Variants in CENPK observed in about 807,000 individuals in gnomAD.
CENPK encodes centromere protein K.
A neutral mutation model predicts 40.9 loss-of-function variants in CENPK; 46 were observed. That is an observed-to-expected ratio of 1.13 (90% CI 0.89 to 1.44). The LOEUF is 1.44. CENPK is among the 40% of genes most tolerant of loss of function. The pLI is 0.00. For synonymous variants in CENPK, 107 were observed against 104.4 expected (o/e 1.02, Z -0.15); for missense variants, 288 against 303.5 (o/e 0.95, Z 0.38).
At chr5:65,554,983 G>C in intron 2 of CENPK, 37 bp from the exon 3 acceptor site, 1 of 869,532 alleles carries the variant, frequency 1.2e-6, no homozygotes, top group Non-Finnish European at 1.9e-6. Flanking sequence ...AGCAGTATTG[G>C]TTGAACACTT....
intron 5 of CENPK, among the ~76,000 whole-genome samples, chr5:65,545,897 GAAATT>G (rs1356834619): frequency 6.6e-6 from 1 of 152,070 alleles, no homozygotes; most frequent in Non-Finnish European, 1.5e-5. Context: ...CTGAACTACA[GAAATT>G]GTGAGATAAT....
chr5:65,555,184 G>A (rs1291664040), intron 2 of CENPK: 1 of 235,866 alleles, frequency 4.2e-6, no homozygotes, highest in Non-Finnish European at 8.0e-6. Context: ...AGAAACATAG[G>A]AAATGCTAGG....
rs779597720 is a variant in CENPK, at chr5:65,554,754, T to C, written c.111+43A>G. 3 of 1,055,728 alleles carry C rather than the reference T, an allele frequency of 2.8e-6. No homozygotes were observed. In the Admixed American group the frequency reaches 5.6e-5, roughly 20 times the overall value. 65.4% of individuals were successfully genotyped at this position (1,055,728 alleles called of 1,614,324 possible). A position where few individuals can be genotyped will look rare whatever the true frequency, so the allele number is the denominator to read the frequency against. ...GAGTCTATTTATTATTGAAGTTGATTTAAATCTTATATTAACTATCACTTC... is the reference window on the plus strand; with the variant it reads ...GAGTCTATTTATTATTGAAGTTGATCTAAATCTTATATTAACTATCACTTC... On this transcript the variant is annotated intron_variant, in intron 3 of 10. Transcript: ENST00000396679.
At chr5:65,559,445 G>T (rs382605) in intron 2 of CENPK, among the ~76,000 whole-genome samples, 4 of 150,720 alleles carry the variant, frequency 2.7e-5, no homozygotes, top group Admixed American at 2.6e-4. Context: ...CCGGCTAAAA[G>T]GGTGAAACCC....
At chr5:65,506,771 C>T in the CENPK span, among the ~76,000 whole-genome samples, 91 of 151,358 alleles carry the variant, frequency 6.0e-4, 1 homozygote, top group East Asian at 0.014. Flanking sequence ...GGCAGCAGAG[C>T]GACACTTGGT....
At chr5:65,540,982 CAGA>C (rs1463278931) in intron 6 of CENPK, among the ~76,000 whole-genome samples, 1 of 151,856 alleles carries the variant, frequency 6.6e-6, no homozygotes, top group Non-Finnish European at 1.5e-5. Context: ...CCACCACACA[CAGA>C]AGATTTTTTA....
At chr5:65,558,306 C>T (rs1751334085) in intron 2 of CENPK, among the ~76,000 whole-genome samples, 1 of 151,718 alleles carries the variant, frequency 6.6e-6, no homozygotes, top group Admixed American at 6.6e-5. Flanking sequence ...GGAAATGTTG[C>T]TAATACAAGA....
downstream of CENPK, among the ~76,000 whole-genome samples, chr5:65,515,577 CTA>C (rs1742801840): frequency 6.6e-6 from 1 of 152,062 alleles, no homozygotes; most frequent in South Asian, 2.1e-4. Context: ...CTTCTTTGAC[CTA>C]TGTGTTTAGA....
At chr5:65,545,714 A>T (rs931977784) in intron 5 of CENPK, among the ~76,000 whole-genome samples, 9 of 152,230 alleles carry the variant, frequency 5.9e-5, no homozygotes, top group African/African-American at 1.9e-4. Flanking sequence ...TCCTACAGTC[A>T]CAAGGAAATA....
chr5:65,537,082 T>C (rs560783236), intron 6 of CENPK, among the ~76,000 whole-genome samples: 2 of 152,188 alleles, frequency 1.3e-5, no homozygotes, highest in Non-Finnish European at 2.9e-5. Context: ...AACAGCACCA[T>C]GCTCTTAGAT....
chr5:65,550,003 T>C (rs965106191), intron 5 of CENPK, among the ~76,000 whole-genome samples: 3 of 151,530 alleles, frequency 2.0e-5, no homozygotes, highest in Non-Finnish European at 2.9e-5. Flanking sequence ...CTGTCTCTAA[T>C]AAAAAAATAC....
At chr5:65,533,023 G>T (rs1580961119) in intron 6 of CENPK, among the ~76,000 whole-genome samples, 2 of 150,802 alleles carry the variant, frequency 1.3e-5, no homozygotes, top group East Asian at 3.9e-4. Context: ...ATAAATTCAG[G>T]AAGAGTAAGT....
intron 6 of CENPK, among the ~76,000 whole-genome samples, chr5:65,533,198 T>C (rs539347648): frequency 3.3e-5 from 5 of 150,328 alleles, no homozygotes; most frequent in African/African-American, 1.2e-4. Context: ...TAAAAATACA[T>C]AAATTAGCCC....
intron 5 of CENPK, among the ~76,000 whole-genome samples, chr5:65,547,060 C>T (rs926052288): frequency 1.3e-5 from 2 of 151,894 alleles, no homozygotes; most frequent in Admixed American, 1.3e-4. Context: ...AGATATAATG[C>T]TGGTATAGCT....
chr5:65,505,137 T>G, the CENPK span, among the ~76,000 whole-genome samples: 30 of 152,076 alleles, frequency 2.0e-4, no homozygotes, highest in Admixed American at 1.3e-4. Context: ...GGGTCTCACT[T>G]TGCTGCCCAG....
chr5:65,521,886 G>A (rs534218615), intron 9 of CENPK, among the ~76,000 whole-genome samples: 19 of 152,300 alleles, frequency 1.2e-4, no homozygotes, highest in African/African-American at 4.3e-4. Flanking sequence ...ACAGGAGTGA[G>A]CCACCGCGTT....
chr5:65,519,427 T>C (rs570914838), intron 10 of CENPK, among the ~76,000 whole-genome samples: 34 of 152,308 alleles, frequency 2.2e-4, no homozygotes, highest in Middle Eastern at 3.4e-3. Context: ...GTAGATCAAT[T>C]ATTATTTTGC....
At chr5:65,538,824 A>G (rs552646406) in intron 6 of CENPK, among the ~76,000 whole-genome samples, 2 of 152,334 alleles carry the variant, frequency 1.3e-5, no homozygotes, top group South Asian at 2.1e-4. Flanking sequence ...GTTCTCAGAT[A>G]TATAGGTAAG....
At chr5:65,515,682 T>C (rs989604006), downstream of CENPK, among the ~76,000 whole-genome samples, 2 of 152,230 alleles carry the variant, frequency 1.3e-5, no homozygotes. Flanking sequence ...AAGACATAGC[T>C]TCTATGGTGT....
Sources: gnomAD v4.1 joint callset for allele counts (sites outside exome capture counted in the v4.1 genomes callset) on GRCh38, gnomAD v4.1.1 for gene constraint, MANE v1.5 for transcripts, NCBI Gene and HGNC (gene_info 2026-07-23, HGNC 2026-07-21) for gene names.